Variants in BRCA2 observed in about 807,000 individuals in gnomAD.
BRCA2 encodes BRCA2 DNA repair associated.
BRCA2 carries 203 observed loss-of-function variants against 276.7 expected under a neutral mutation model. The observed-to-expected ratio is 0.73, with a 90% CI of 0.65 to 0.82. The LOEUF is 0.82. BRCA2 is among the 40% of genes least tolerant of loss of function. The probability of loss-of-function intolerance (pLI) is 0.00; values close to 1 mark genes in which losing one functional copy is unlikely to be tolerated. For synonymous variants in BRCA2, 1,289 were observed against 1,338.4 expected (o/e 0.96, Z 0.81); for missense variants, 3,920 against 3,915.0 (o/e 1.00, Z -0.03).
At chr13:32,381,709 G>A (rs1184970061) in intron 24 of BRCA2, among the ~76,000 whole-genome samples, 1 of 152,128 alleles carries the variant, frequency 6.6e-6, no homozygotes, top group African/African-American at 2.4e-5. Flanking sequence ...CAGGTAGAGG[G>A]ACACTGTCTG....
At chr13:32,392,935 C>A (rs2073007233) in intron 24 of BRCA2, among the ~76,000 whole-genome samples, 1 of 152,102 alleles carries the variant, frequency 6.6e-6, no homozygotes. Context: ...TTTGAATAGA[C>A]TGATAATGAT....
At chr13:32,375,477 G>T in intron 20 of BRCA2, 1 of 364,408 alleles carries the variant, frequency 2.7e-6, no homozygotes, top group South Asian at 2.2e-5. Context: ...TTAGAATGGT[G>T]AATCCTTTCT....
intron 13 of BRCA2, among the ~76,000 whole-genome samples, chr13:32,353,036 G>C (rs1452716789): frequency 1.3e-5 from 2 of 152,120 alleles, no homozygotes; most frequent in Admixed American, 6.5e-5. Context: ...GGGACAGAAG[G>C]TTTATTCATT....
At chr13:32,364,283 A>G (rs1404704243) in intron 18 of BRCA2, among the ~76,000 whole-genome samples, 3 of 152,126 alleles carry the variant, frequency 2.0e-5, no homozygotes, top group African/African-American at 7.2e-5. Flanking sequence ...TTGGAAACTC[A>G]AGTAATATAA....
rs587782182 is a variant in BRCA2, at chr13:32,339,357, G to C, written c.5002G>C (p.Ala1668Pro). The change falls in exon 11 of 27, where the codon GCC becomes CCC. Residue 1668 changes from alanine to proline, a missense_variant. Ala to Pro is a conservative substitution (Grantham distance 27). Around this residue, in one of 2 missense-constraint regions of BRCA2, gnomAD observed 3,263 missense variants for 3,156.9 expected, o/e 1.03. Coordinates refer to ENST00000380152, the MANE Select transcript of BRCA2 (RefSeq NM_000059.4). ...QSPYSVIENS[A>P]LAFYTSCSRK... ...CCCTTATTCAGTCATTGAAAATTCA[G>C]CCTTAGCTTTTTACACAAGTTGTAG... is the stretch of plus-strand genomic sequence containing the variant. The C allele has an allele frequency of 1.3e-6, 2 of 1,590,682 alleles. No homozygotes were observed. Among genetic ancestry groups the C allele is most frequent in the Non-Finnish European group, 1.7e-6 (2 of 1,170,132 alleles).
intron 21 of BRCA2, among the ~76,000 whole-genome samples, chr13:32,377,424 C>A (rs1207375711): frequency 6.6e-6 from 1 of 151,964 alleles, no homozygotes; most frequent in Non-Finnish European, 1.5e-5. Flanking sequence ...AAACCCCGTC[C>A]CTATTAAAAA....
chr13:32,391,436 T>C (rs2072996146), intron 24 of BRCA2, among the ~76,000 whole-genome samples: 1 of 152,162 alleles, frequency 6.6e-6, no homozygotes, highest in South Asian at 2.1e-4. Flanking sequence ...GGGAGGGGCA[T>C]AGCCTTAAGC....
chr13:32,381,979 G>A (rs2072927415), intron 24 of BRCA2, among the ~76,000 whole-genome samples: 1 of 152,140 alleles, frequency 6.6e-6, no homozygotes, highest in African/African-American at 2.4e-5. Flanking sequence ...CAAGTATGTG[G>A]GGAAGTTCAG....
intron 13 of BRCA2, among the ~76,000 whole-genome samples, chr13:32,351,079 G>A (rs996824496): frequency 1.3e-5 from 2 of 152,194 alleles, no homozygotes. Flanking sequence ...GCCAAATAAG[G>A]GAATAAAAGC....
intron 18 of BRCA2, among the ~76,000 whole-genome samples, chr13:32,367,821 G>A (rs944384074): frequency 6.6e-6 from 1 of 151,524 alleles, no homozygotes; most frequent in Admixed American, 6.6e-5. Flanking sequence ...CAAAAACTAG[G>A]TAAAAGGAGA....
At chr13:32,345,156 C>A (rs1431778883) in intron 12 of BRCA2, among the ~76,000 whole-genome samples, 1 of 152,014 alleles carries the variant, frequency 6.6e-6, no homozygotes, top group East Asian at 1.9e-4. Flanking sequence ...AGGTGACAAG[C>A]TTATTTTCAT....
Position 32,333,192 on chromosome 13 carries a change from G to C in BRCA2, c.1714G>C (p.Val572Leu), listed in dbSNP as rs587782713. 1.2e-6 allele frequency: 2 copies of C among 1,613,882 alleles called. No homozygotes were observed. The highest frequency in any genetic ancestry group is 1.7e-5 in the Admixed American group (1 of 60,012). The stretch of plus-strand genomic sequence containing the variant: ...GCCAGCCACCACCACACAGAATTCT[G>C]TAGCTTTGAAGAATGCAGGTTTAAT... ...SWPATTTQNSVALKNAGLIST... is the reference protein window; with the variant it reads ...SWPATTTQNSLALKNAGLIST... Residue 572 changes from valine (V) to leucine (L), a missense_variant, in exon 10 of 27, where the codon GTA (valine) becomes CTA (leucine). Physicochemically the swap from Val to Leu is conservative, Grantham distance 32. Around this residue, in one of 2 missense-constraint regions of BRCA2, gnomAD observed 3,263 missense variants for 3,156.9 expected, o/e 1.03. Coordinates refer to ENST00000380152, the MANE Select transcript of BRCA2 (RefSeq NM_000059.4).
intron 11 of BRCA2, among the ~76,000 whole-genome samples, chr13:32,341,847 G>A (rs1190491031): frequency 2.0e-5 from 3 of 146,374 alleles, no homozygotes; most frequent in African/African-American, 7.6e-5. Context: ...CAGCCTGGGC[G>A]ACAGAGCGAG....
Position 32,336,754 on chromosome 13 carries a change from G to T in BRCA2, c.2399G>T (p.Gly800Val), listed in dbSNP as rs276174821. 1.2e-6 allele frequency: 2 copies of T among 1,613,332 alleles called. No homozygotes were observed. The highest frequency in any genetic ancestry group is 1.7e-6 in the Non-Finnish European group (2 of 1,179,746). The change falls in exon 11 of 27, where the codon GGT becomes GTT. Residue 800 changes from glycine to valine, a missense_variant. This residue lies in a region of BRCA2 where 3,263 missense variants were observed against 3,156.9 expected (regional missense o/e 1.03). Coordinates refer to ENST00000380152, the MANE Select transcript of BRCA2 (RefSeq NM_000059.4). ...TACAAAATGTCAGACAAGCTCAAAG[G>T]TAACAATTATGAATCTGATGTTGAA... is the stretch of plus-strand genomic sequence containing the variant. ...ESYKMSDKLKGNNYESDVELT... is the reference protein window; with the variant it reads ...ESYKMSDKLKVNNYESDVELT...
intron 1 of BRCA2, 150 bp from the exon 2 acceptor site, chr13:32,316,272 G>A (rs1184851264): frequency 4.6e-6 from 3 of 650,686 alleles, no homozygotes; most frequent in Non-Finnish European, 8.3e-6. Flanking sequence ...GCTGTAAAAT[G>A]TTCCCATCCT....
intron 13 of BRCA2, among the ~76,000 whole-genome samples, chr13:32,351,414 A>G (rs998981272): frequency 6.6e-6 from 1 of 152,234 alleles, no homozygotes; most frequent in East Asian, 1.9e-4. Flanking sequence ...TCTGAACATC[A>G]GGAAGAACAA....
At chr13:32,392,722 A>G (rs1474537770) in intron 24 of BRCA2, among the ~76,000 whole-genome samples, 1 of 152,204 alleles carries the variant, frequency 6.6e-6, no homozygotes, top group Non-Finnish European at 1.5e-5. Flanking sequence ...GCATAACCGT[A>G]GTACAATTAG....
rs1006688520 is a variant in BRCA2, at chr13:32,379,485, G to A, written c.8923G>A (p.Val2975Ile). The change falls in exon 22 of 27, where the codon GTA (valine) becomes ATA (isoleucine). Residue 2975 changes from valine to isoleucine, a missense_variant. Physicochemically the swap from Val to Ile is conservative, Grantham distance 29 (BLOSUM62 3). Around this residue, in one of 2 missense-constraint regions of BRCA2, gnomAD observed 657 missense variants for 758.2 expected, o/e 0.87. Transcript: ENST00000380152. ...CACAACCGTGTGGAAGTTGCGTATTGTAAGCTATTCAAAAAAAGAAAAAGA... is the reference window on the plus strand; with the variant it reads ...CACAACCGTGTGGAAGTTGCGTATTATAAGCTATTCAAAAAAAGAAAAAGA... ...DVTTVWKLRIVSYSKKEKDSV... is the reference protein window; with the variant it reads ...DVTTVWKLRIISYSKKEKDSV... The A allele has an allele frequency of 1.2e-6, 2 of 1,613,054 alleles. No homozygotes were observed. Among genetic ancestry groups the A allele is most frequent in the Non-Finnish European group, 1.7e-6 (2 of 1,179,802 alleles).
In BRCA2 at chr13:32,332,952, T is replaced by A. The variant is rs757856761; in HGVS notation, c.1474T>A (p.Ser492Thr). The A allele has an allele frequency of 6.2e-7, 1 of 1,603,546 alleles. No homozygotes were observed. The highest frequency in any genetic ancestry group is 1.1e-5 in the South Asian group (1 of 87,854). ...AGTAAAGCAGGCAATATCTGGAACT[T>A]CTCCAGTGGCTTCTTCATTTCAGGG... is the stretch of plus-strand genomic sequence containing the variant. ...LAVKQAISGT[S>T]PVASSFQGIK... The change falls in exon 10 of 27, where the codon TCT (serine) becomes ACT (threonine). Residue 492 changes from serine to threonine, a missense_variant. By Grantham distance (58) the Ser-to-Thr change is moderately conservative. This residue lies in a region of BRCA2 where 3,263 missense variants were observed against 3,156.9 expected (regional missense o/e 1.03). Coordinates refer to ENST00000380152, the MANE Select transcript of BRCA2 (RefSeq NM_000059.4).
Sources: gnomAD v4.1 joint callset for allele counts (sites outside exome capture counted in the v4.1 genomes callset) on GRCh38, gnomAD v4.1.1 for gene constraint, gnomAD v4.1.1 regional missense constraint, MANE v1.5 for transcripts, NCBI Gene and HGNC (gene_info 2026-07-23, HGNC 2026-07-21) for gene names.